Variants in ABCC4 observed in about 807,000 individuals in gnomAD.
ABCC4 encodes the protein ATP binding cassette subfamily C member 4 (PEL blood group).
ABCC4 carries 102 observed loss-of-function variants against 168.5 expected under a neutral mutation model. The observed-to-expected ratio is 0.61, with a 90% CI of 0.52 to 0.71. The LOEUF (loss-of-function observed/expected upper bound fraction) is 0.71, where lower values mean the gene tolerates loss of function less well. Ranked by LOEUF, ABCC4 falls within the 30% of genes least tolerant of loss-of-function variation. The probability of loss-of-function intolerance (pLI) is 0.00; values close to 1 mark genes in which losing one functional copy is unlikely to be tolerated. For missense variants in ABCC4, 1,402 were observed against 1,605.8 expected (o/e 0.87, Z 2.17); for synonymous variants, 617 against 590.7 (o/e 1.04, Z -0.65).
At chr13:95,233,607 A>G (rs2039684321) in intron 4 of ABCC4, among the ~76,000 whole-genome samples, 1 of 152,122 alleles carries the variant, frequency 6.6e-6, no homozygotes, top group Non-Finnish European at 1.5e-5. Flanking sequence ...ATCACACAAT[A>G]CACCCATGGA....
intron 19 of ABCC4, among the ~76,000 whole-genome samples, chr13:95,150,272 C>T (rs9590190): frequency 0.37 from 55,576 of 151,966 alleles, 11,103 homozygotes; most frequent in African/African-American, 0.53. Context: ...GCGAGCATGA[C>T]TGTATTTGGA....
rs968582757 is a variant in ABCC4 at position 95,209,512 on chromosome 13, G to A, written c.707C>T (p.Ser236Leu). ...TALLWMEIGI[S>L]CLAGMAVLII... ...TAGAACTGCCATCCCAGCAAGGCAC[G>A]ATATTCCTATCTCCATCCAGAGTAG... The change falls in exon 6 of 31, where the codon TCG becomes TTG. Residue 236 changes from serine (S) to leucine (L), a missense_variant. Ser to Leu is a moderately radical substitution (Grantham distance 145). Coordinates refer to ENST00000645237, the MANE Select transcript of ABCC4 (RefSeq NM_005845.5). 7 of 1,614,088 alleles carry A rather than the reference G, an allele frequency of 4.3e-6. No homozygotes were observed. The highest frequency in any genetic ancestry group is 2.2e-5 in the East Asian group (1 of 44,900).
At chr13:95,241,286 A>C (rs1023169870) in intron 3 of ABCC4, among the ~76,000 whole-genome samples, 1 of 151,182 alleles carries the variant, frequency 6.6e-6, no homozygotes. Flanking sequence ...AATCACTTGA[A>C]CCTGGGAGGC....
At chr13:95,044,926 G>A (rs1328407542) in intron 27 of ABCC4, among the ~76,000 whole-genome samples, 1 of 152,184 alleles carries the variant, frequency 6.6e-6, no homozygotes, top group Non-Finnish European at 1.5e-5. Context: ...TAAGAGAGAT[G>A]TTTTAAAACT....
At chr13:95,025,233 CCATACACA>C (rs2031385838) in intron 30 of ABCC4, among the ~76,000 whole-genome samples, 1 of 29,448 alleles carries the variant, frequency 3.4e-5, no homozygotes, top group African/African-American at 1.2e-4. Context: ...CCACACACAC[CCATACACA>C]CACACCCACA....
intron 25 of ABCC4, among the ~76,000 whole-genome samples, chr13:95,067,858 C>G (rs138188943): frequency 6.6e-6 from 1 of 152,032 alleles, no homozygotes; most frequent in Non-Finnish European, 1.5e-5. Flanking sequence ...CTGAAAAATG[C>G]TTTAAAATGG....
intron 19 of ABCC4, among the ~76,000 whole-genome samples, chr13:95,157,088 C>CCCCACACA (rs1491107650): frequency 7.4e-6 from 1 of 134,618 alleles, no homozygotes; most frequent in African/African-American, 3.0e-5. Context: ...TGAGACTCTA[C>CCCCACACA]CACACACACA....
chr13:95,051,300 A>G (rs1175901906), intron 27 of ABCC4, among the ~76,000 whole-genome samples: 2 of 152,246 alleles, frequency 1.3e-5, no homozygotes, highest in Admixed American at 1.3e-4. Flanking sequence ...CACAGTCAAA[A>G]CCCATCTATA....
chr13:95,197,224 G>A (rs555358678), intron 8 of ABCC4, among the ~76,000 whole-genome samples: 1 of 152,238 alleles, frequency 6.6e-6, no homozygotes, highest in South Asian at 2.1e-4. Flanking sequence ...CTGTATGATC[G>A]GCTTAAATTA....
intron 8 of ABCC4, among the ~76,000 whole-genome samples, chr13:95,204,872 C>T (rs1372379110): frequency 6.6e-6 from 1 of 152,158 alleles, no homozygotes; most frequent in Admixed American, 6.5e-5. Context: ...TACAGGCTTC[C>T]AAGAGCCCTG....
intron 30 of ABCC4, 105 bp from the exon 31 acceptor site, chr13:95,021,787 T>C (rs1385497300): frequency 1.1e-5 from 8 of 747,868 alleles, no homozygotes; most frequent in Non-Finnish European, 1.7e-5. Context: ...AAGCAAATCA[T>C]ATCCCTCACT....
chr13:95,035,763 G>A (rs1269166471), intron 29 of ABCC4, among the ~76,000 whole-genome samples: 5 of 152,130 alleles, frequency 3.3e-5, no homozygotes, highest in East Asian at 1.9e-4. Flanking sequence ...CCCAAATGAC[G>A]TACCTAGGAA....
intron 20 of ABCC4, among the ~76,000 whole-genome samples, chr13:95,111,372 C>T (rs971595954): frequency 6.6e-6 from 1 of 152,184 alleles, no homozygotes; most frequent in Non-Finnish European, 1.5e-5. Flanking sequence ...CCCATGGCAA[C>T]CTTGAGGTAA....
At chr13:95,140,565 G>A (rs2036287253) in intron 19 of ABCC4, among the ~76,000 whole-genome samples, 1 of 152,122 alleles carries the variant, frequency 6.6e-6, no homozygotes, top group South Asian at 2.1e-4. Context: ...AGAAATTTCT[G>A]TATAAGGAGA....
At chr13:95,174,035 C>A (rs1464912282) in intron 13 of ABCC4, among the ~76,000 whole-genome samples, 1 of 152,170 alleles carries the variant, frequency 6.6e-6, no homozygotes, top group Non-Finnish European at 1.5e-5. Context: ...AATCAGCAGC[C>A]TGAATGGACT....
At position 95,161,241 on chromosome 13, in the gene ABCC4, CA is replaced by C; in HGVS notation, c.2402del (p.Met801SerfsTer6). 6.2e-7 allele frequency: 1 copy of C among 1,611,212 alleles called. No homozygotes were observed. The highest frequency in any genetic ancestry group is 8.5e-7 in the Non-Finnish European group (1 of 1,179,514). Reference sequence around the variant, plus strand: ...CCGGAGCTTTCAGAATTGACTCAAACATTTTGTTGTGCAAAGTTTGTGAAGA... The same window carrying C: ...CCGGAGCTTTCAGAATTGACTCAAACTTTTGTTGTGCAAAGTTTGTGAAGA... Reference protein sequence around the residue: ...VNSSQTLHNKMFESILKAPVL... With the variant: ...VNSSQTLHNKXFESILKAPVL... On this transcript the variant is annotated frameshift_variant, in exon 19 of 31. Transcript: ENST00000645237. LOFTEE classifies it high-confidence loss of function.
intron 4 of ABCC4, among the ~76,000 whole-genome samples, chr13:95,223,585 T>C (rs1246591368): frequency 6.6e-6 from 1 of 152,208 alleles, no homozygotes; most frequent in African/African-American, 2.4e-5. Flanking sequence ...CACTGCAACC[T>C]CTGCCTCCCG....
chr13:95,054,093 A>G (rs1231472536), intron 26 of ABCC4, among the ~76,000 whole-genome samples: 1 of 129,498 alleles, frequency 7.7e-6, no homozygotes, highest in Non-Finnish European at 1.6e-5. Flanking sequence ...AACTGGGGCC[A>G]GAGGCACCTC....
At chr13:95,292,242 C>T (rs8001266) in intron 1 of ABCC4, among the ~76,000 whole-genome samples, 43,801 of 151,614 alleles carry the variant, frequency 0.29, 7,929 homozygotes, top group African/African-American at 0.52. Flanking sequence ...ACCTGTGGTC[C>T]CAGCTACTCA....
Sources: gnomAD v4.1 joint callset for allele counts (sites outside exome capture counted in the v4.1 genomes callset) on GRCh38, gnomAD v4.1.1 for gene constraint, MANE v1.5 for transcripts, NCBI Gene and HGNC (gene_info 2026-07-23, HGNC 2026-07-21) for gene names.